RAB3C: variants seen among roughly 807,000 people sequenced by gnomAD.
RAB3C encodes the protein ras-related protein Rab-3C.
Under a neutral mutation model 26.4 loss-of-function variants are expected in RAB3C, and 17 were observed. The observed-to-expected ratio is 0.64, with a 90% CI of 0.44 to 0.97. The LOEUF (loss-of-function observed/expected upper bound fraction) is 0.97, where lower values mean the gene tolerates loss of function less well. Among genes scored for constraint, RAB3C ranks in the 50% least tolerant of loss-of-function variants. RAB3C has a pLI of 0.00. For missense variants in RAB3C, 242 were observed against 281.9 expected, an observed-to-expected ratio of 0.86 and a Z score of 1.01; for synonymous variants, 91 against 95.9, an observed-to-expected ratio of 0.95 and a Z score of 0.30.
In RAB3C at chr5:58,583,131, A is replaced by G. The variant is rs1450225039; in HGVS notation, c.-78A>G. 7 of 1,609,490 alleles carry G rather than the reference A, an allele frequency of 4.3e-6. No individual in the cohort carries two copies. In the South Asian group the frequency reaches 6.6e-5, roughly 15 times the overall value. ...CAAGAGTGCAGAGTGTGGAGCGTGG[A>G]GCGCCGGGACTGTGCACGCTTGACC... is the stretch of plus-strand genomic sequence containing the variant. On this transcript the variant is annotated 5_prime_UTR_variant, in exon 1 of 5. Transcript: ENST00000282878.
chr5:58,847,770 T>C (rs1476943049), intron 4 of RAB3C, among the ~76,000 whole-genome samples: 1 of 152,206 alleles, frequency 6.6e-6, no homozygotes, highest in Non-Finnish European at 1.5e-5. Flanking sequence ...TTGATTTTGA[T>C]CCTGAATATC....
At chr5:58,784,975 C>T (rs187758853) in intron 3 of RAB3C, among the ~76,000 whole-genome samples, 12 of 152,356 alleles carry the variant, frequency 7.9e-5, no homozygotes, top group Admixed American at 7.2e-4. Context: ...CTAAACTCAA[C>T]ATCATGCAGC....
intron 2 of RAB3C, among the ~76,000 whole-genome samples, chr5:58,715,799 G>A (rs1033310923): frequency 2.0e-5 from 3 of 152,098 alleles, no homozygotes; most frequent in Non-Finnish European, 2.9e-5. Flanking sequence ...ATGAAGAGGT[G>A]AGCAGAAAGG....
At chr5:58,845,612 A>ATATATATATATATATATGTG in intron 4 of RAB3C, among the ~76,000 whole-genome samples, 21 of 81,720 alleles carry the variant, frequency 2.6e-4, no homozygotes, top group African/African-American at 1.1e-3. Flanking sequence ...ATATATATAT[A>ATATATATATATATATATGTG]TGTGTGTGTG....
chr5:58,695,197 T>G (rs1748669176), intron 2 of RAB3C, among the ~76,000 whole-genome samples: 1 of 151,250 alleles, frequency 6.6e-6, no homozygotes, highest in African/African-American at 2.4e-5. Context: ...AATCCATTTC[T>G]TGTTTTTGTC....
intron 3 of RAB3C, among the ~76,000 whole-genome samples, chr5:58,820,585 A>G (rs1473470784): frequency 6.6e-6 from 1 of 152,222 alleles, no homozygotes; most frequent in Non-Finnish European, 1.5e-5. Flanking sequence ...CAAATGCTCT[A>G]GACCACAATT....
chr5:58,846,246 TG>T (rs1743998240), intron 4 of RAB3C, among the ~76,000 whole-genome samples: 1 of 152,226 alleles, frequency 6.6e-6, no homozygotes, highest in South Asian at 2.1e-4. Flanking sequence ...GCTCTGAACA[TG>T]GGTGTACAGA....
intron 2 of RAB3C, among the ~76,000 whole-genome samples, chr5:58,671,947 A>C (rs1748126925): frequency 1.3e-5 from 2 of 152,178 alleles, no homozygotes; most frequent in South Asian, 4.1e-4. Context: ...AGTTCTAGAA[A>C]AAAAACTTTA....
chr5:58,834,918 A>G (rs1431254811), intron 4 of RAB3C, among the ~76,000 whole-genome samples: 2 of 152,190 alleles, frequency 1.3e-5, no homozygotes, highest in Non-Finnish European at 2.9e-5. Flanking sequence ...CCCTTCTGGC[A>G]GCTGAAATTC....
chr5:58,797,481 T>C (rs935418795), intron 3 of RAB3C, among the ~76,000 whole-genome samples: 15 of 150,850 alleles, frequency 9.9e-5, no homozygotes, highest in African/African-American at 3.7e-4. Context: ...TCACTGTTCT[T>C]CCCCAGGACT....
intron 2 of RAB3C, among the ~76,000 whole-genome samples, chr5:58,627,353 T>TTAAATTCGGTGCAA (rs557291106): frequency 2.9e-5 from 4 of 139,720 alleles, no homozygotes; most frequent in South Asian, 2.4e-4. Flanking sequence ...TAAACACAGC[T>TTAAATTCGGTGCAA]ACTCGGGAGG....
At chr5:58,769,752 T>G (rs1399311751) in intron 3 of RAB3C, among the ~76,000 whole-genome samples, 1 of 105,158 alleles carries the variant, frequency 9.5e-6, no homozygotes, top group African/African-American at 2.9e-5. Flanking sequence ...TGTAATCATC[T>G]GCAAGATTCT....
intron 3 of RAB3C, among the ~76,000 whole-genome samples, chr5:58,735,786 C>G (rs1741120060): frequency 6.6e-6 from 1 of 152,182 alleles, no homozygotes; most frequent in South Asian, 2.1e-4. Context: ...ACACCTCTTG[C>G]ACCCTTGTGT....
In RAB3C at chr5:58,854,516, A is replaced by G. The variant is rs1426395541; in HGVS notation, c.*3165A>G. 1.3e-5 allele frequency: 2 copies of G among 152,226 alleles called. No homozygotes were observed. The highest frequency in any genetic ancestry group is 2.9e-5 in the Non-Finnish European group (2 of 68,044). 9.4% of individuals were successfully genotyped at this position (152,226 alleles called of 1,614,324 possible). A position where few individuals can be genotyped will look rare whatever the true frequency, so the allele number is the denominator to read the frequency against. On this transcript the variant is annotated 3_prime_UTR_variant, in exon 5 of 5. Transcript: ENST00000282878. ...AAAGCGTCCTAAGATGGCAGTTTGA[A>G]TGTTAGCATCGCATCTACATGCTCA...
intron 3 of RAB3C, among the ~76,000 whole-genome samples, chr5:58,780,707 G>A (rs918055816): frequency 7.9e-5 from 12 of 152,106 alleles, no homozygotes; most frequent in African/African-American, 2.9e-4. Flanking sequence ...TAGACAGGGT[G>A]AGCCTATGTC....
At chr5:58,666,449 T>C (rs1002576073) in intron 2 of RAB3C, among the ~76,000 whole-genome samples, 9 of 152,234 alleles carry the variant, frequency 5.9e-5, no homozygotes, top group Non-Finnish European at 1.3e-4. Flanking sequence ...ACAAGGACAG[T>C]CTTTCTCAAA....
intron 1 of RAB3C, among the ~76,000 whole-genome samples, chr5:58,612,564 G>GTA (rs1746738819): frequency 7.9e-6 from 1 of 126,682 alleles, no homozygotes; most frequent in Non-Finnish European, 1.6e-5. Context: ...ATATATATAT[G>GTA]TATATATATA....
chr5:58,770,283 T>C (rs893279977), intron 3 of RAB3C, among the ~76,000 whole-genome samples: 1 of 152,138 alleles, frequency 6.6e-6, no homozygotes, highest in Non-Finnish European at 1.5e-5. Context: ...AACCCAGAAA[T>C]GATATTGGCA....
Position 58,617,698 on chromosome 5 carries a change from T to G in RAB3C, c.80T>G (p.Phe27Cys), listed in dbSNP as rs1223717329. The change falls in exon 2 of 5, where the codon TTT (phenylalanine) becomes TGT (cysteine). Residue 27 changes from phenylalanine (F) to cysteine (C), a missense_variant. Phe to Cys is a radical substitution (Grantham distance 205). Coordinates refer to ENST00000282878, the MANE Select transcript of RAB3C (RefSeq NM_138453.4). ...CAGAAAGACTCCTCTGATCAGAACT[T>G]TGACTACATGTTCAAATTACTCATC... is the stretch of plus-strand genomic sequence containing the variant. ...YGQKDSSDQN[F>C]DYMFKLLIIG... 3 of 1,614,030 alleles carry G rather than the reference T, an allele frequency of 1.9e-6. No individual in the cohort carries two copies. The Admixed American group carries it at 5.0e-5, about 27-fold the overall frequency.
Sources: allele counts gnomAD v4.1 joint callset (sites outside exome capture counted in the v4.1 genomes callset), GRCh38; gene constraint gnomAD v4.1.1; transcripts MANE v1.5; gene names NCBI Gene and HGNC (gene_info 2026-07-23, HGNC 2026-07-21).